The following DLC1 variants were observed in gnomAD, a reference collection of about 807,000 sequenced individuals.
DLC1 encodes the protein rho GTPase-activating protein 7.
Under a neutral mutation model 140.3 loss-of-function variants are expected in DLC1, and 54 were observed. The ratio of observed to expected loss-of-function variants is 0.38; its 90% confidence interval spans 0.31 to 0.48. The LOEUF (loss-of-function observed/expected upper bound fraction) is 0.48, where lower values mean the gene tolerates loss of function less well. Among genes scored for constraint, DLC1 ranks in the 20% least tolerant of loss-of-function variants. The pLI, the probability that DLC1 is intolerant of heterozygous loss-of-function variation, is 0.96. For missense variants in DLC1, 2,536 were observed against 1,907.0 expected (o/e 1.33, Z -6.14); for synonymous variants, 986 against 728.1 (o/e 1.35, Z -5.70).
chr8:13,355,912 G>A lies in DLC1; in HGVS notation c.1314+37641C>T, dbSNP rs930354029. ...ATCTTGGCTAACATGGTGAAACCCCGTCTCTACTAAAAAAAAAATTCAAAA... is the reference window on the plus strand; with the variant it reads ...ATCTTGGCTAACATGGTGAAACCCCATCTCTACTAAAAAAAAAATTCAAAA... On this transcript the variant is annotated intron_variant, in intron 4 of 17. Transcript: ENST00000276297. Among the ~76,000 whole-genome samples, 10 of 148,514 alleles carry A rather than the reference G, an allele frequency of 6.7e-5. 1 individual carries two copies. The highest frequency in any genetic ancestry group is 2.2e-4 in the South Asian group (1 of 4,580).
rs983035370 is a variant in DLC1, at chr8:13,084,750, G to T, written c.*1061C>A. 10 of 152,188 alleles carry T rather than the reference G, an allele frequency of 6.6e-5. No homozygotes were observed. The highest frequency in any genetic ancestry group is 6.5e-4 in the Admixed American group (10 of 15,282). The allele number at this position is 152,188 out of a possible 1,614,324, so 9.4% of individuals were successfully genotyped here. On this transcript the variant is annotated 3_prime_UTR_variant, in exon 18 of 18. Transcript: ENST00000276297. ...AATGCCGTTAACAACCAAAGGCGGG[G>T]AAAAAGCCTTTTGTAGGTGAGTTAA...
intron 3 of DLC1, among the ~76,000 whole-genome samples, chr8:13,395,081 G>A (rs139973390): frequency 6.9e-6 from 1 of 145,026 alleles, no homozygotes; most frequent in East Asian, 2.0e-4. Flanking sequence ...CTATAAATTT[G>A]TCTACCTTCC....
intron 1 of DLC1, among the ~76,000 whole-genome samples, chr8:13,597,262 TA>T (rs1805712966): frequency 6.6e-6 from 1 of 152,044 alleles, no homozygotes; most frequent in African/African-American, 2.4e-5. Flanking sequence ...TCTCACATTT[TA>T]TTGCAACTGA....
intron 2 of DLC1, among the ~76,000 whole-genome samples, chr8:13,444,081 T>G (rs1798668739): frequency 6.6e-6 from 1 of 150,946 alleles, no homozygotes; most frequent in South Asian, 2.1e-4. Flanking sequence ...AATCATAAGC[T>G]CAGAGGATAA....
intron 1 of DLC1, among the ~76,000 whole-genome samples, chr8:13,511,143 A>G (rs1246218657): frequency 1.3e-5 from 2 of 152,270 alleles, no homozygotes; most frequent in East Asian, 3.9e-4. Context: ...CTTCTTTTCT[A>G]TCTCATTTCC....
At chr8:13,572,024 C>G (rs1333635505) in intron 1 of DLC1, among the ~76,000 whole-genome samples, 5 of 151,914 alleles carry the variant, frequency 3.3e-5, no homozygotes, top group African/African-American at 4.8e-5. Context: ...AATGTCTATT[C>G]AAATCCTCTG....
chr8:13,448,714 A>G (rs1798911193), intron 2 of DLC1, among the ~76,000 whole-genome samples: 1 of 152,152 alleles, frequency 6.6e-6, no homozygotes, highest in African/African-American at 2.4e-5. Context: ...AATTAATTCC[A>G]TGTTTCTCCT....
Position 13,139,288 on chromosome 8 carries a change from C to CAA in DLC1, c.1349-23633_1349-23632dup, listed in dbSNP as rs67684524. On this transcript the variant is annotated intron_variant, in intron 5 of 17. Transcript: ENST00000276297. ...TGGGCCACAGAGTGAGACCCTGTCTCAAAAAAAAAAAAAAAAAAAAAAAAA... is the reference window on the plus strand; with the variant it reads ...TGGGCCACAGAGTGAGACCCTGTCTCAAAAAAAAAAAAAAAAAAAAAAAAAAA... 4.3e-3 allele frequency among the ~76,000 whole-genome samples: 211 copies of CAA among 49,230 alleles called. 3 individuals carry two copies. Among genetic ancestry groups the CAA allele is most frequent in the African/African-American group, 8.8e-3 (123 of 14,054 alleles). 32.3% of individuals were successfully genotyped at this position (49,230 alleles called of 152,430 possible).
chr8:13,518,186 G>A (rs780475211), upstream of DLC1, among the ~76,000 whole-genome samples: 10 of 151,056 alleles, frequency 6.6e-5, no homozygotes, highest in African/African-American at 1.2e-4. Context: ...TCGGCTCAAG[G>A]CAACCTCCGC....
intron 2 of DLC1, among the ~76,000 whole-genome samples, chr8:13,412,482 C>A (rs539526077): frequency 6.6e-6 from 1 of 151,896 alleles, no homozygotes; most frequent in Non-Finnish European, 1.5e-5. Context: ...TGCTAGTAGC[C>A]AAAGAACTGG....
chr8:13,181,721 T>G (rs1399303756), intron 5 of DLC1, among the ~76,000 whole-genome samples: 2 of 152,192 alleles, frequency 1.3e-5, no homozygotes, highest in African/African-American at 4.8e-5. Context: ...CACATTTTCT[T>G]AATCCAGTCT....
chr8:13,307,118 G>T (rs1832473387), intron 4 of DLC1, among the ~76,000 whole-genome samples: 1 of 151,616 alleles, frequency 6.6e-6, no homozygotes, highest in Non-Finnish European at 1.5e-5. Context: ...GTAGAGATGG[G>T]GGGAGTTACT....
chr8:13,249,865 C>T (rs140153983), intron 5 of DLC1, among the ~76,000 whole-genome samples: 2,882 of 152,262 alleles, frequency 0.019, 36 homozygotes, highest in Non-Finnish European at 0.028. Flanking sequence ...CAAGTCTCCA[C>T]CCAGGTTACC....
intron 4 of DLC1, among the ~76,000 whole-genome samples, chr8:13,369,461 C>G (rs186845716): frequency 6.6e-6 from 1 of 151,796 alleles, no homozygotes; most frequent in Non-Finnish European, 1.5e-5. Context: ...CTCATCTCCT[C>G]GTCTGAATGA....
At chr8:13,566,836 C>T in intron 1 of DLC1, 2 of 986,832 alleles carry the variant, frequency 2.0e-6, no homozygotes, top group Non-Finnish European at 2.8e-6. Context: ...GAGCGGCCCG[C>T]GTTGCCAAGA....
intron 1 of DLC1, among the ~76,000 whole-genome samples, chr8:13,527,296 A>G (rs1326346975): frequency 2.0e-5 from 3 of 152,186 alleles, no homozygotes; most frequent in African/African-American, 7.2e-5. Context: ...ATCGGAAAAT[A>G]TACGAAAATT....
At chr8:13,355,657 T>G (rs761909935) in intron 4 of DLC1, among the ~76,000 whole-genome samples, 3 of 152,164 alleles carry the variant, frequency 2.0e-5, no homozygotes. Flanking sequence ...CTTCAATATA[T>G]GAATTTTGCA....
At chr8:13,433,553 C>G (rs374165219) in intron 2 of DLC1, among the ~76,000 whole-genome samples, 1 of 152,162 alleles carries the variant, frequency 6.6e-6, no homozygotes, top group Non-Finnish European at 1.5e-5. Context: ...ATAAGTTCCA[C>G]AAGTCTCTAA....
At chr8:13,396,131 C>T (rs1298971922) in intron 3 of DLC1, among the ~76,000 whole-genome samples, 1 of 145,474 alleles carries the variant, frequency 6.9e-6, no homozygotes, top group Admixed American at 7.2e-5. Flanking sequence ...GCGATCTCTG[C>T]TCACTGCAAG....
Sources: gnomAD v4.1 joint callset for allele counts (sites outside exome capture counted in the v4.1 genomes callset) on GRCh38, gnomAD v4.1.1 for gene constraint, MANE v1.5 for transcripts, NCBI Gene and HGNC (gene_info 2026-07-23, HGNC 2026-07-21) for gene names.